PRSS38: variants seen among roughly 807,000 people sequenced by gnomAD.
PRSS38 encodes marapsin 2.
A neutral mutation model predicts 26.8 loss-of-function variants in PRSS38; 22 were observed. That is an observed-to-expected ratio of 0.82 (90% CI 0.59 to 1.17). The LOEUF is 1.17. Among genes scored for constraint, PRSS38 ranks in the 50% most tolerant of loss-of-function variants. The pLI is 0.00. For missense variants in PRSS38, 427 were observed against 422.7 expected, an observed-to-expected ratio of 1.01 and a Z score of -0.09; for synonymous variants, 175 against 172.1, an observed-to-expected ratio of 1.02 and a Z score of -0.13.
intron 3 of PRSS38, among the ~76,000 whole-genome samples, chr1:227,828,212 A>G (rs1665102515): frequency 6.6e-6 from 1 of 152,242 alleles, no homozygotes; most frequent in South Asian, 2.1e-4. Context: ...GGTCCACTTG[A>G]TCCAGATCTG....
chr1:227,816,007 T>G lies in PRSS38; in HGVS notation c.149-83T>G. On this transcript the variant is annotated intron_variant, in intron 1 of 4. Transcript: ENST00000366757. The surrounding 1 kb of genome is among the most constrained non-coding windows in gnomAD (Gnocchi z 5.1). ...TGCCTTCCCTTCCTCCTGTGTCCCC[T>G]GCCCCTCCCCCACGTCCCCTGCCTG... is the stretch of plus-strand genomic sequence containing the variant. The G allele has an allele frequency of 2.0e-6, 2 of 978,308 alleles. No homozygotes were observed. Among genetic ancestry groups the G allele is most frequent in the South Asian group, 1.6e-5 (1 of 61,096 alleles). 60.6% of individuals were successfully genotyped at this position (978,308 alleles called of 1,614,324 possible). A position where few individuals can be genotyped will look rare whatever the true frequency, so the allele number is the denominator to read the frequency against.
At chr1:227,817,160 G>T (rs370077317) in intron 2 of PRSS38, 49 bp from the exon 3 acceptor site, 2 of 1,581,826 alleles carry the variant, frequency 1.3e-6, no homozygotes, top group Admixed American at 1.7e-5. Flanking sequence ...CCTGTGGGCT[G>T]ACCACACAGG....
chr1:227,822,362 T>A (rs1370027155), intron 3 of PRSS38, among the ~76,000 whole-genome samples: 1 of 152,068 alleles, frequency 6.6e-6, no homozygotes, highest in African/African-American at 2.4e-5. Flanking sequence ...TTTTCTTAAG[T>A]GGGCCATAGT....
exon 5 of PRSS38, chr1:227,846,079 C>T (rs765958375): frequency 1.2e-6 from 2 of 1,614,218 alleles, no homozygotes; most frequent in South Asian, 2.2e-5. Flanking sequence ...TTTCCTATTT[C>T]TCAAAATGGA....
intron 3 of PRSS38, among the ~76,000 whole-genome samples, chr1:227,818,459 G>A (rs537490360): frequency 6.6e-6 from 1 of 152,018 alleles, no homozygotes; most frequent in African/African-American, 2.4e-5. Flanking sequence ...TGGGAGGATC[G>A]CTTGAGCCCA....
intron 3 of PRSS38, among the ~76,000 whole-genome samples, chr1:227,820,185 G>A (rs1317275612): frequency 6.7e-6 from 1 of 150,132 alleles, no homozygotes; most frequent in Non-Finnish European, 1.5e-5. Flanking sequence ...ATTATATGTA[G>A]TAGTTTTGTT....
At chr1:227,831,450 A>C (rs1353431616) in intron 3 of PRSS38, among the ~76,000 whole-genome samples, 1 of 152,208 alleles carries the variant, frequency 6.6e-6, no homozygotes, top group Non-Finnish European at 1.5e-5. Context: ...GTCCTGGTAA[A>C]TGATCCATGT....
chr1:227,820,388 C>A (rs899598276), intron 3 of PRSS38, among the ~76,000 whole-genome samples: 6 of 152,048 alleles, frequency 3.9e-5, no homozygotes, highest in African/African-American at 1.2e-4. Flanking sequence ...TTTCTGATCT[C>A]ATGGGAAATG....
intron 3 of PRSS38, among the ~76,000 whole-genome samples, chr1:227,839,852 C>A (rs1045118323): frequency 6.6e-6 from 1 of 152,218 alleles, no homozygotes; most frequent in East Asian, 1.9e-4. Flanking sequence ...TTTCTTAATT[C>A]TTCCGAGGAC....
intron 3 of PRSS38, among the ~76,000 whole-genome samples, chr1:227,842,508 G>A (rs1665352470): frequency 6.6e-6 from 1 of 152,016 alleles, no homozygotes; most frequent in African/African-American, 2.4e-5. Context: ...GGAAACTAGA[G>A]CATTGACAAT....
rs75432097 is a variant in PRSS38 at position 227,829,695 on chromosome 1, T to C, written c.583+12215T>C. Among the ~76,000 whole-genome samples, 1,442 of 152,294 alleles carry C rather than the reference T, an allele frequency of 9.5e-3. 20 individuals carry two copies. The highest frequency in any genetic ancestry group is 0.033 in the African/African-American group (1,373 of 41,560). On this transcript the variant is annotated intron_variant, in intron 3 of 4. Transcript: ENST00000366757. ...TTTTTATTCATTTCATTCTGAGAAA[T>C]GTAGTTTAAATTCTTTGTAATTCAC...
intron 3 of PRSS38, among the ~76,000 whole-genome samples, chr1:227,830,120 C>A (rs1390487026): frequency 2.0e-5 from 3 of 152,118 alleles, no homozygotes; most frequent in Non-Finnish European, 4.4e-5. Context: ...ACTCACCTTG[C>A]ATTCCTGTGA....
exon 1 of PRSS38, chr1:227,815,755 C>G (rs757088156): frequency 1.2e-6 from 2 of 1,608,828 alleles, no homozygotes; most frequent in South Asian, 2.2e-5. Context: ...CACTCGGGCC[C>G]TCTGCCCTGG....
At chr1:227,818,348 C>A (rs1444660111) in intron 3 of PRSS38, among the ~76,000 whole-genome samples, 3 of 152,144 alleles carry the variant, frequency 2.0e-5, no homozygotes, top group Non-Finnish European at 2.9e-5. Context: ...TTGAGAGGAT[C>A]ATATAGTTCT....
In PRSS38 at chr1:227,816,452, C is replaced by T. The variant is rs1035590809; in HGVS notation, c.311+200C>T. On this transcript the variant is annotated intron_variant, in intron 2 of 4. Transcript: ENST00000366757. The surrounding 1 kb of genome is among the most constrained non-coding windows in gnomAD (Gnocchi z 5.1). ...CTGGGTCCCCATTCTTGAGGCTGGT[C>T]CCCCAAGTGCACAGCCAGGTCCTCA... 1.3e-5 allele frequency among the ~76,000 whole-genome samples: 2 copies of T among 151,930 alleles called. No individual in the cohort carries two copies. Among genetic ancestry groups the T allele is most frequent in the African/African-American group, 2.4e-5 (1 of 41,346 alleles).
At chr1:227,823,922 T>C (rs1558233352) in intron 3 of PRSS38, among the ~76,000 whole-genome samples, 1 of 152,194 alleles carries the variant, frequency 6.6e-6, no homozygotes, top group Non-Finnish European at 1.5e-5. Context: ...AACATGTGAG[T>C]GCAGGTATTT....
chr1:227,815,749 C>A, exon 1 of PRSS38: 24 of 1,605,704 alleles, frequency 1.5e-5, no homozygotes, highest in Non-Finnish European at 1.9e-5. Context: ...TGGGCCCACT[C>A]GGGCCCTCTG....
intron 3 of PRSS38, among the ~76,000 whole-genome samples, chr1:227,838,196 G>A (rs1050796207): frequency 6.6e-6 from 1 of 152,178 alleles, no homozygotes; most frequent in Non-Finnish European, 1.5e-5. Flanking sequence ...CCTATTGTAA[G>A]TTTACAAAGA....
intron 4 of PRSS38, 82 bp from the exon 5 acceptor site, chr1:227,845,872 C>G: frequency 6.4e-7 from 1 of 1,555,422 alleles, no homozygotes; most frequent in Non-Finnish European, 8.7e-7. Context: ...GCACAGCCAC[C>G]CCCTTGCACC....
Sources: allele counts gnomAD v4.1 joint callset (sites outside exome capture counted in the v4.1 genomes callset), GRCh38; gene constraint gnomAD v4.1.1; non-coding constraint Gnocchi (gnomAD v3.1); transcripts MANE v1.5; gene names NCBI Gene and HGNC (gene_info 2026-07-23, HGNC 2026-07-21).